Variants in COLQ observed in about 807,000 individuals in gnomAD.
COLQ encodes acetylcholinesterase collagenic tail peptide.
A neutral mutation model predicts 69.0 loss-of-function variants in COLQ; 48 were observed. That is an observed-to-expected ratio of 0.70 (90% CI 0.55 to 0.88). COLQ has a LOEUF of 0.88. Ranked by LOEUF, COLQ falls within the 40% of genes least tolerant of loss-of-function variation. The pLI, the probability that COLQ is intolerant of heterozygous loss-of-function variation, is 0.00. For missense variants in COLQ, 618 were observed against 594.6 expected, an observed-to-expected ratio of 1.04 and a Z score of -0.41; for synonymous variants, 217 against 211.2, an observed-to-expected ratio of 1.03 and a Z score of -0.24.
intron 1 of COLQ, among the ~76,000 whole-genome samples, chr3:15,513,059 G>A (rs1461697126): frequency 6.6e-6 from 1 of 152,136 alleles, no homozygotes; most frequent in Non-Finnish European, 1.5e-5. Flanking sequence ...AGTAAAATAG[G>A]GGTACTAATG....
At chr3:15,495,077 G>A (rs1387542874) in intron 1 of COLQ, among the ~76,000 whole-genome samples, 2 of 144,400 alleles carry the variant, frequency 1.4e-5, no homozygotes, top group Admixed American at 1.4e-4. Context: ...TCTGGTTCCG[G>A]AGCCCTTCCT....
intron 12 of COLQ, among the ~76,000 whole-genome samples, chr3:15,462,051 T>C (rs540104939): frequency 6.7e-6 from 1 of 150,244 alleles, no homozygotes; most frequent in Admixed American, 6.6e-5. Flanking sequence ...ATTTTTGAGA[T>C]GGAGTCTTAC....
rs66861967 is a variant in COLQ at position 15,473,026 on chromosome 3, AT to A, written c.636+973del. 2.7e-3 allele frequency among the ~76,000 whole-genome samples: 385 copies of A among 143,818 alleles called. 1 individual carries two copies. The highest frequency in any genetic ancestry group is 3.7e-3 in the Middle Eastern group (1 of 270). 94.4% of individuals were successfully genotyped at this position (143,818 alleles called of 152,430 possible). On this transcript the variant is annotated intron_variant, in intron 10 of 16. Transcript: ENST00000383788. This position sits in a 1 kb window ranked among gnomAD's most constrained non-coding sequence, Gnocchi z 4.0. Reference sequence around the variant, plus strand: ...AGGCATGTGCCACCATGACCTGCTAATTTTTTTTTTTTTAGAGATGAGATAG... The same window carrying A: ...AGGCATGTGCCACCATGACCTGCTAATTTTTTTTTTTTAGAGATGAGATAG...
chr3:15,477,185 G>A lies in COLQ; in HGVS notation c.406C>T (p.Pro136Ser), dbSNP rs1039189998. Residue 136 changes from proline to serine, a missense_variant, in exon 6 of 17, where the codon CCC becomes TCC. Pro to Ser is a moderately conservative substitution (Grantham distance 74). Coordinates refer to ENST00000383788, the MANE Select transcript of COLQ (RefSeq NM_005677.4). ...GRPGRKGRPG[P>S]PGVPGMPGPI... ...CCAGGCATGCCAGGAACACCTGGGGGGCCAGGTCTACCCTTCAAAGACCAA... is the reference window on the plus strand; with the variant it reads ...CCAGGCATGCCAGGAACACCTGGGGAGCCAGGTCTACCCTTCAAAGACCAA... 2.1e-5 allele frequency: 33 copies of A among 1,605,750 alleles called. No homozygotes were observed. Among genetic ancestry groups the A allele is most frequent in the Admixed American group, 1.4e-4 (8 of 58,776 alleles).
At chr3:15,476,123 T>C (rs1412314119) in intron 6 of COLQ, among the ~76,000 whole-genome samples, 4 of 152,236 alleles carry the variant, frequency 2.6e-5, no homozygotes, top group Non-Finnish European at 4.4e-5. Context: ...ATATTTTACA[T>C]TGTGCTTTTC....
At chr3:15,498,703 T>C (rs779571070) in intron 1 of COLQ, 73 of 1,544,628 alleles carry the variant, frequency 4.7e-5, no homozygotes, top group Non-Finnish European at 6.1e-5. Flanking sequence ...GGGGTGGGAG[T>C]TGGCCAATCC....
intron 1 of COLQ, among the ~76,000 whole-genome samples, chr3:15,506,281 A>G (rs2062909825): frequency 6.6e-6 from 1 of 152,234 alleles, no homozygotes; most frequent in African/African-American, 2.4e-5. Flanking sequence ...TAAAGACAAA[A>G]AATTCCATCT....
intron 1 of COLQ, among the ~76,000 whole-genome samples, chr3:15,504,335 A>G (rs1182224288): frequency 6.6e-6 from 1 of 152,212 alleles, no homozygotes; most frequent in African/African-American, 2.4e-5. Flanking sequence ...TGGAAGGCCA[A>G]AACCAAGGTG....
chr3:15,508,382 A>G (rs1256830792), intron 1 of COLQ, among the ~76,000 whole-genome samples: 1 of 152,212 alleles, frequency 6.6e-6, no homozygotes, highest in Non-Finnish European at 1.5e-5. Context: ...TGAAGCTCAA[A>G]TAAGTGCCCA....
intron 11 of COLQ, among the ~76,000 whole-genome samples, chr3:15,469,750 G>A (rs1340313027): frequency 6.6e-6 from 1 of 152,220 alleles, no homozygotes; most frequent in African/African-American, 2.4e-5. Context: ...CACTGGGGAT[G>A]AGGAGTGGCA....
intron 11 of COLQ, among the ~76,000 whole-genome samples, chr3:15,469,695 A>G (rs1461512258): frequency 6.6e-6 from 1 of 152,206 alleles, no homozygotes; most frequent in Non-Finnish European, 1.5e-5. Flanking sequence ...CTGAAAGCTC[A>G]TTCCAGGTCA....
chr3:15,483,899 G>C (rs1414906313), intron 3 of COLQ, among the ~76,000 whole-genome samples: 2 of 152,210 alleles, frequency 1.3e-5, no homozygotes, highest in African/African-American at 2.4e-5. Context: ...GGGTGCTCCT[G>C]TATTGGGTGC....
intron 1 of COLQ, among the ~76,000 whole-genome samples, chr3:15,514,380 G>C (rs1242499417): frequency 6.6e-6 from 1 of 152,162 alleles, no homozygotes; most frequent in Non-Finnish European, 1.5e-5. Context: ...GTGTGTCTCA[G>C]TGGTCTGCAG....
intron 12 of COLQ, among the ~76,000 whole-genome samples, chr3:15,461,516 C>T (rs2062113995): frequency 6.6e-6 from 1 of 152,196 alleles, no homozygotes; most frequent in South Asian, 2.1e-4. Context: ...GCCAGAGGAC[C>T]TGGCTCTCCA....
intron 12 of COLQ, among the ~76,000 whole-genome samples, chr3:15,465,105 T>C (rs936388904): frequency 1.1e-4 from 16 of 151,640 alleles, no homozygotes; most frequent in African/African-American, 3.4e-4. Context: ...ACCCGGGAGG[T>C]GGAGGTTGCA....
intron 14 of COLQ, 135 bp downstream of exon 14, chr3:15,456,325 G>A: frequency 8.3e-7 from 1 of 1,198,070 alleles, no homozygotes; most frequent in Non-Finnish European, 1.2e-6. Context: ...GTTTGAGGGA[G>A]GATGCTCAGC....
In COLQ at chr3:15,468,398, T is replaced by A. The variant is rs185098599; in HGVS notation, c.718-1961A>T. Reference sequence around the variant, plus strand: ...CCCAGGCTGGAGTGCAGTGGCGTGATCTTAGCTCACTGCAACATCTGCCTC... The same window carrying A: ...CCCAGGCTGGAGTGCAGTGGCGTGAACTTAGCTCACTGCAACATCTGCCTC... On this transcript the variant is annotated intron_variant, in intron 11 of 16. Coordinates refer to ENST00000383788, the MANE Select transcript of COLQ (RefSeq NM_005677.4). Among the ~76,000 whole-genome samples the A allele has an allele frequency of 3.1e-4, 45 of 146,850 alleles. 1 individual carries two copies. The highest frequency in any genetic ancestry group is 1.0e-3 in the Admixed American group (15 of 14,352).
chr3:15,466,807 C>A (rs112068527), intron 11 of COLQ, among the ~76,000 whole-genome samples: 8 of 152,196 alleles, frequency 5.3e-5, no homozygotes, highest in Non-Finnish European at 1.2e-4. Context: ...CTGCAGCCTG[C>A]GAAGCCTTGC....
At chr3:15,507,775 C>T (rs1439753889) in intron 1 of COLQ, among the ~76,000 whole-genome samples, 1 of 152,184 alleles carries the variant, frequency 6.6e-6, no homozygotes, top group African/African-American at 2.4e-5. Context: ...TTTTAATTTT[C>T]ATTTCTCATA....
Sources: allele counts gnomAD v4.1 joint callset (sites outside exome capture counted in the v4.1 genomes callset), GRCh38; gene constraint gnomAD v4.1.1; non-coding constraint Gnocchi (gnomAD v3.1); transcripts MANE v1.5; gene names NCBI Gene and HGNC (gene_info 2026-07-23, HGNC 2026-07-21).